Variants in DDX23 observed in about 807,000 individuals in gnomAD.
DDX23 encodes the protein DEAD-box helicase 23.
DDX23 carries 33 observed loss-of-function variants against 102.7 expected under a neutral mutation model. The ratio of observed to expected loss-of-function variants is 0.32; its 90% CI spans 0.24 to 0.43. DDX23 has a LOEUF of 0.43. Among genes scored for constraint, DDX23 ranks in the 20% least tolerant of loss-of-function variants. The probability of loss-of-function intolerance (pLI) is 1.00; values close to 1 mark genes in which losing one functional copy is unlikely to be tolerated. For synonymous variants in DDX23, 352 were observed against 376.0 expected (o/e 0.94, Z 0.74); for missense variants, 549 against 1,086.6 (o/e 0.51, Z 6.96).
At position 48,836,132 on chromosome 12, in the gene DDX23, G is replaced by A; in HGVS notation, c.1371C>T (p.Pro457=). The A allele has an allele frequency of 6.2e-7, 1 of 1,612,918 alleles. No homozygotes were observed. ...IPLLVWITTL[P]KIDRIEESDQ... is the part of the protein sequence containing the mutation. ...CTAGCTGACCTCACCTGTCAATTTT[G>A]GGAAGTGTGGTGATCCAGACCAGCA... The change falls in exon 11 of 17, where the codon CCC becomes CCT. Residue 457 remains proline, a synonymous_variant. Transcript: ENST00000308025. This position sits in a 1 kb window ranked among gnomAD's most constrained non-coding sequence, Gnocchi z 6.1.
rs1162061732 is a variant in DDX23 at position 48,841,541 on chromosome 12, G to A, written c.321-1435C>T. On this transcript the variant is annotated intron_variant, in intron 3 of 16. Coordinates refer to ENST00000308025, the MANE Select transcript of DDX23 (RefSeq NM_004818.3). ...AGCTGGACCGTACTGCTGCCATCTC[G>A]GCTCACTGCAACCTCCCTGCCTGAT... 2.0e-5 allele frequency among the ~76,000 whole-genome samples: 3 copies of A among 152,176 alleles called. No individual in the cohort carries two copies. In the East Asian group the frequency reaches 5.8e-4, roughly 29 times the overall value.
chr12:48,849,655 T>C (rs1938726794), intron 1 of DDX23, among the ~76,000 whole-genome samples: 1 of 149,130 alleles, frequency 6.7e-6, no homozygotes, highest in African/African-American at 2.5e-5. Flanking sequence ...AGACTCCCTC[T>C]GTCTCGAGAG....
At chr12:48,842,502 G>A (rs1208725729) in intron 3 of DDX23, among the ~76,000 whole-genome samples, 1 of 138,546 alleles carries the variant, frequency 7.2e-6, no homozygotes, top group African/African-American at 2.8e-5. Flanking sequence ...GAAGGTGGGG[G>A]GGTCAGCCCC....
intron 15 of DDX23, 111 bp from the exon 16 acceptor site, chr12:48,831,427 C>A (rs990329905): frequency 7.9e-6 from 8 of 1,010,386 alleles, no homozygotes; most frequent in East Asian, 2.4e-5. Flanking sequence ...CAGCAGAGTA[C>A]GAGAAAGGAA....
At chr12:48,838,214 T>C in intron 5 of DDX23, 134 bp from the exon 6 acceptor site, 2 of 1,301,672 alleles carry the variant, frequency 1.5e-6, no homozygotes, top group East Asian at 2.3e-5. Context: ...CAAATAGGCC[T>C]TGGACTCGGT....
Position 48,830,148 on chromosome 12 carries a change from A to G in DDX23, c.*321T>C, listed in dbSNP as rs1592198329. On this transcript the variant is annotated 3_prime_UTR_variant, in exon 17 of 17. Transcript: ENST00000308025. This position sits in a 1 kb window ranked among gnomAD's most constrained non-coding sequence, Gnocchi z 4.9. The stretch of plus-strand genomic sequence containing the variant: ...CCATCCGGCGGCCAGGTTTCTGTTC[A>G]GTCTGGGGAGCAATGCCAACTGGCT... 3.9e-6 allele frequency: 2 copies of G among 514,668 alleles called. No individual in the cohort carries two copies. The highest frequency in any genetic ancestry group is 9.8e-5 in the East Asian group (2 of 20,326). 31.9% of individuals were successfully genotyped at this position (514,668 alleles called of 1,614,324 possible). A position where few individuals can be genotyped will look rare whatever the true frequency, so the allele number is the denominator to read the frequency against.
At chr12:48,833,896 A>T (rs1938427382) in intron 12 of DDX23, among the ~76,000 whole-genome samples, 1 of 152,178 alleles carries the variant, frequency 6.6e-6, no homozygotes, top group Non-Finnish European at 1.5e-5. Context: ...AAAAGACTAA[A>T]TTTCTACAGC....
chr12:48,850,828 T>C (rs1938744148), intron 1 of DDX23, among the ~76,000 whole-genome samples: 2 of 152,208 alleles, frequency 1.3e-5, no homozygotes, highest in Admixed American at 1.3e-4. Flanking sequence ...ATGGAGATTA[T>C]TGGTGACCTT....
chr12:48,834,867 G>T (rs34570300), intron 11 of DDX23: 15,000 of 189,178 alleles, frequency 0.079, 647 homozygotes, highest in Middle Eastern at 0.095. Flanking sequence ...CCAGGAGACA[G>T]AGGTTGCAGT....
chr12:48,849,801 G>A (rs1354301780), intron 1 of DDX23, among the ~76,000 whole-genome samples: 4 of 152,288 alleles, frequency 2.6e-5, no homozygotes, highest in African/African-American at 7.2e-5. Context: ...GGAAAATATC[G>A]TCCAGGAACA....
intron 12 of DDX23, 156 bp from the exon 13 acceptor site, chr12:48,833,675 C>T: frequency 1.1e-6 from 1 of 872,764 alleles, no homozygotes; most frequent in Middle Eastern, 3.6e-4. Flanking sequence ...TGCAAACTGG[C>T]ATGAAATCAC....
Position 48,836,662 on chromosome 12 carries a change from G to C in DDX23, c.1143C>G (p.Thr381=), listed in dbSNP as rs762651932. The C allele has an allele frequency of 1.2e-6, 2 of 1,614,172 alleles. No individual in the cohort carries two copies. Among genetic ancestry groups the C allele is most frequent in the East Asian group, 4.5e-5 (2 of 44,880 alleles). Residue 381 remains threonine, a synonymous_variant, in exon 10 of 17, where the codon ACC becomes ACG. Coordinates refer to ENST00000308025, the MANE Select transcript of DDX23 (RefSeq NM_004818.3). This position sits in a 1 kb window ranked among gnomAD's most constrained non-coding sequence, Gnocchi z 6.1. ...RIFREDYSIT[T]KGGKIPNPIR... ...TGGGATTGGGGATCTTGCCACCTTT[G>C]GTGGTGATGCTGTAGTCCTCACGGA...
intron 3 of DDX23, among the ~76,000 whole-genome samples, chr12:48,842,568 G>A (rs1444828405): frequency 2.1e-5 from 3 of 143,298 alleles, no homozygotes; most frequent in East Asian, 4.3e-4. Context: ...CCCCCCGCCC[G>A]GCCAGCCGCC....
At position 48,832,792 on chromosome 12, in the gene DDX23, G is replaced by A. The variant is rs938669328; in HGVS notation, c.1804-219C>T. The A allele has an allele frequency of 8.0e-5, 49 of 614,882 alleles. No individual in the cohort carries two copies. In the African/African-American group the frequency reaches 8.7e-4, roughly 11 times the overall value. The allele number at this position is 614,882 out of a possible 1,614,324, so 38.1% of individuals were successfully genotyped here. ...ATCTTATGATGACAGGAAGGATTGAGAGCATTTGCTAGCACCTGTGGTCCC... is the reference window on the plus strand; with the variant it reads ...ATCTTATGATGACAGGAAGGATTGAAAGCATTTGCTAGCACCTGTGGTCCC... On this transcript the variant is annotated intron_variant, in intron 13 of 16. Transcript: ENST00000308025. The surrounding 1 kb of genome is among the most constrained non-coding windows in gnomAD (Gnocchi z 4.4).
Position 48,834,434 on chromosome 12 carries a change from T to G in DDX23, c.1446A>C (p.Gln482His). Residue 482 changes from glutamine to histidine, a missense_variant, in exon 12 of 17, where the codon CAA becomes CAC. Physicochemically the swap from Gln to His is conservative, Grantham distance 24. Around this residue, in one of 4 missense-constraint regions of DDX23, gnomAD observed 270 missense variants for 707.0 expected, o/e 0.38. Transcript: ENST00000308025. Reference protein sequence around the residue: ...IILAPTRELAQQIEEETIKFG... With the variant: ...IILAPTRELAHQIEEETIKFG... ...ACTTGATGGTCTCTTCCTCAATCTG[T>G]TGAGCCAACTCACGGGTGGGAGCCA... The G allele has an allele frequency of 6.2e-7, 1 of 1,614,184 alleles. No homozygotes were observed. Among genetic ancestry groups the G allele is most frequent in the Non-Finnish European group, 8.5e-7 (1 of 1,180,032 alleles).
At chr12:48,842,048 G>A (rs1334222871) in intron 3 of DDX23, among the ~76,000 whole-genome samples, 2 of 151,680 alleles carry the variant, frequency 1.3e-5, no homozygotes, top group Non-Finnish European at 2.9e-5. Flanking sequence ...CGTCTGAGAA[G>A]TGAGGAGCCC....
chr12:48,836,036 G>A lies in DDX23; in HGVS notation c.1382+85C>T, dbSNP rs1592200655. ...AAGAAGAAAGCTTCTGATTATAGAC[G>A]TAAAACAAAAATCAAACATTCATTT... On this transcript the variant is annotated intron_variant, in intron 11 of 16. Coordinates refer to ENST00000308025, the MANE Select transcript of DDX23 (RefSeq NM_004818.3). The surrounding 1 kb of genome is among the most constrained non-coding windows in gnomAD (Gnocchi z 6.1). 1.6e-5 allele frequency: 23 copies of A among 1,470,224 alleles called. No individual in the cohort carries two copies. The East Asian group carries it at 2.5e-4, about 16-fold the overall frequency. 91.1% of individuals were successfully genotyped at this position (1,470,224 alleles called of 1,614,324 possible). A position where few individuals can be genotyped will look rare whatever the true frequency, so the allele number is the denominator to read the frequency against.
In DDX23 at chr12:48,832,774, G is replaced by A. The variant is rs1438864084; in HGVS notation, c.1804-201C>T. ...CTCATCAAGGCACTTTCCATCTTAT[G>A]ATGACAGGAAGGATTGAGAGCATTT... On this transcript the variant is annotated intron_variant, in intron 13 of 16. Transcript: ENST00000308025. This position sits in a 1 kb window ranked among gnomAD's most constrained non-coding sequence, Gnocchi z 4.4. 1 of 648,168 alleles carries A rather than the reference G, an allele frequency of 1.5e-6. No homozygotes were observed. Among genetic ancestry groups the A allele is most frequent in the East Asian group, 2.8e-5 (1 of 35,110 alleles). The allele number at this position is 648,168 out of a possible 1,614,324, so 40.2% of individuals were successfully genotyped here.
In DDX23 at chr12:48,836,500, C is replaced by CA. The variant is rs1340900377; in HGVS notation, c.1236+68dup. The CA allele has an allele frequency of 2.0e-6, 3 of 1,499,446 alleles. No homozygotes were observed. The highest frequency in any genetic ancestry group is 2.8e-6 in the Non-Finnish European group (3 of 1,087,194). The allele number at this position is 1,499,446 out of a possible 1,614,324, so 92.9% of individuals were successfully genotyped here. On this transcript the variant is annotated intron_variant, in intron 10 of 16. Transcript: ENST00000308025. This position sits in a 1 kb window ranked among gnomAD's most constrained non-coding sequence, Gnocchi z 6.1. ...GCGATGGCTCCAAATAGTCAAGGAA[C>CA]AAAGTTCTCTATTCCCAAACTAGTG...
Sources: gnomAD v4.1 joint callset for allele counts (sites outside exome capture counted in the v4.1 genomes callset) on GRCh38, gnomAD v4.1.1 for gene constraint, gnomAD v4.1.1 regional missense constraint, Gnocchi (gnomAD v3.1) non-coding constraint, MANE v1.5 for transcripts, NCBI Gene and HGNC (gene_info 2026-07-23, HGNC 2026-07-21) for gene names.